FSCN2: variants seen among roughly 807,000 people sequenced by gnomAD.
FSCN2 encodes fascin actin-bundling protein 2, retinal.
Under a neutral mutation model 37.8 loss-of-function variants are expected in FSCN2, and 46 were observed. That is an observed-to-expected ratio of 1.22 (90% confidence interval 0.96 to 1.56). FSCN2 has a LOEUF of 1.56. Among genes scored for constraint, FSCN2 ranks in the 40% most tolerant of loss-of-function variants. FSCN2 has a pLI of 0.00. For synonymous variants in FSCN2, 351 were observed against 309.4 expected, an observed-to-expected ratio of 1.13 and a Z score of -1.41; for missense variants, 844 against 730.4, an observed-to-expected ratio of 1.16 and a Z score of -1.79.
Position 81,532,389 on chromosome 17 carries a change from A to ATGATGATGATAG in FSCN2, c.827-2658_827-2657insATGATAGTGATG, listed in dbSNP as rs1568079249. ...GGTGATGGTGATGATAGTGATGGCG[A>ATGATGATGATAG]TGATGGTGATGATAGTGATGGTGAT... On this transcript the variant is annotated intron_variant, in intron 1 of 4. Transcript: ENST00000417245. Among the ~76,000 whole-genome samples the ATGATGATGATAG allele has an allele frequency of 5.0e-3, 590 of 118,032 alleles. 11 individuals carry two copies. Among genetic ancestry groups the ATGATGATGATAG allele is most frequent in the African/African-American group, 0.023 (513 of 22,458 alleles). The allele number at this position is 118,032 out of a possible 152,430, so 77.4% of individuals were successfully genotyped here.
At chr17:81,531,228 A>ATGGTGATGG (rs1598572847) in intron 1 of FSCN2, among the ~76,000 whole-genome samples, 2 of 57,834 alleles carry the variant, frequency 3.5e-5, no homozygotes, top group Non-Finnish European at 7.1e-5. Flanking sequence ...GATGGTGATA[A>ATGGTGATGG]TGGTGATGGT....
At chr17:81,532,618 T>TGGG in intron 1 of FSCN2, among the ~76,000 whole-genome samples, 1 of 136,058 alleles carries the variant, frequency 7.3e-6, no homozygotes, top group African/African-American at 3.4e-5. Flanking sequence ...ATGGTGATGA[T>TGGG]AATGGTGATG....
chr17:81,535,467 A>ATCTCTG (rs2032827934), intron 2 of FSCN2, among the ~76,000 whole-genome samples: 3 of 17,144 alleles, frequency 1.7e-4, no homozygotes, highest in Non-Finnish European at 2.0e-4. Context: ...CTCCATCCCC[A>ATCTCTG]CCACCCCCAC....
At chr17:81,528,223 C>T (rs2032413290), upstream of FSCN2, among the ~76,000 whole-genome samples, 1 of 152,218 alleles carries the variant, frequency 6.6e-6, no homozygotes, top group Non-Finnish European at 1.5e-5. Context: ...GGCCCTCGGG[C>T]TCTGGGCTCT....
At chr17:81,522,314 A>G in the FSCN2 span, among the ~76,000 whole-genome samples, 1 of 152,308 alleles carries the variant, frequency 6.6e-6, no homozygotes, top group African/African-American at 2.4e-5. Flanking sequence ...TTAATTCCCA[A>G]GGCCTCTCTT....
rs1568077368 is a variant in FSCN2, at chr17:81,531,429, ATGGAGATGGTGGTGATGGTGG to A, written c.826+2076_826+2096del. Among the ~76,000 whole-genome samples, 3 of 42,280 alleles carry A rather than the reference ATGGAGATGGTGGTGATGGTGG, an allele frequency of 7.1e-5. No individual in the cohort carries two copies. In the East Asian group the frequency reaches 2.3e-3, roughly 33 times the overall value. 27.7% of individuals were successfully genotyped at this position (42,280 alleles called of 152,430 possible). A position where few individuals can be genotyped will look rare whatever the true frequency, so the allele number is the denominator to read the frequency against. ...GGTGATGGTGGTGGTGATAGTGATG[ATGGAGATGGTGGTGATGGTGG>A]TGGTGATGGTGATGATGGTGGTGGT... On this transcript the variant is annotated intron_variant, in intron 1 of 4. Coordinates refer to ENST00000417245, the MANE Select transcript of FSCN2 (RefSeq NM_012418.4).
In FSCN2 at chr17:81,536,685, A is replaced by G; in HGVS notation, c.1169A>G (p.Asp390Gly). 6.2e-7 allele frequency: 1 copy of G among 1,610,970 alleles called. No individual in the cohort carries two copies. The highest frequency in any genetic ancestry group is 1.1e-5 in the South Asian group (1 of 90,906). ...CCCATCCTGGTGCTGCGCGGCCTGG[A>G]CGGCTTCGTCTGCCACCACCGCGGC... ...NRPILVLRGL[D>G]GFVCHHRGSN... Residue 390 changes from aspartate to glycine, a missense_variant, in exon 4 of 5, where the codon GAC (aspartate) becomes GGC (glycine). Physicochemically the swap from Asp to Gly is moderately conservative, Grantham distance 94. Transcript: ENST00000417245.
At chr17:81,516,391 A>G in the FSCN2 span, among the ~76,000 whole-genome samples, 2 of 152,238 alleles carry the variant, frequency 1.3e-5, no homozygotes, top group Non-Finnish European at 2.9e-5. Flanking sequence ...CTCCCATAAT[A>G]AAAAGCTAAC....
Position 81,529,245 on chromosome 17 carries a change from C to T in FSCN2, c.714C>T (p.Leu238=), listed in dbSNP as rs2032467845. ...YLAPVGPAGT[L]KAGRNTRPGK... Reference sequence around the variant, plus strand: ...CACCCGTGGGGCCCGCAGGCACCCTCAAGGCCGGCCGAAACACGCGACCTG... The same window carrying T: ...CACCCGTGGGGCCCGCAGGCACCCTTAAGGCCGGCCGAAACACGCGACCTG... Residue 238 remains leucine, a synonymous_variant, in exon 1 of 5, where the codon CTC becomes CTT. Transcript: ENST00000417245. The T allele has an allele frequency of 6.3e-7, 1 of 1,597,182 alleles. No individual in the cohort carries two copies.
intron 4 of FSCN2, 28 bp from the exon 5 acceptor site, chr17:81,536,847 C>A (rs1430210801): frequency 1.3e-6 from 2 of 1,550,402 alleles, no homozygotes; most frequent in Non-Finnish European, 1.7e-6. Context: ...CAGGTGGGCA[C>A]CCCCGCCGAC....
upstream of FSCN2, chr17:81,528,322 C>T (rs1361423545): frequency 1.6e-4 from 96 of 583,030 alleles, 1 homozygote; most frequent in East Asian, 2.0e-3. Flanking sequence ...CCTCCCCGCC[C>T]GCCCTCTGCT....
upstream of FSCN2, among the ~76,000 whole-genome samples, chr17:81,526,193 G>A (rs906698303): frequency 2.0e-5 from 3 of 152,246 alleles, no homozygotes; most frequent in Non-Finnish European, 4.4e-5. Context: ...AGAGGGGCAG[G>A]CCGCCTGGGC....
chr17:81,532,176 GTGA>G (rs2032681852), intron 1 of FSCN2, among the ~76,000 whole-genome samples: 3 of 119,406 alleles, frequency 2.5e-5, no homozygotes, highest in Admixed American at 8.1e-5. Context: ...GATGGTGGTG[GTGA>G]TGGTGGTGGT....
intron 1 of FSCN2, among the ~76,000 whole-genome samples, chr17:81,533,139 G>A (rs1598577817): frequency 6.6e-6 from 1 of 152,170 alleles, no homozygotes; most frequent in East Asian, 1.9e-4. Context: ...GTGGCTACAT[G>A]GCAGGCCCTT....
In FSCN2 at chr17:81,529,076, G is replaced by A. The variant is rs551872396; in HGVS notation, c.545G>A (p.Arg182Gln). 2.1e-5 allele frequency: 34 copies of A among 1,590,554 alleles called. No individual in the cohort carries two copies. Among genetic ancestry groups the A allele is most frequent in the East Asian group, 2.1e-4 (9 of 43,698 alleles). The change falls in exon 1 of 5, where the codon CGA (arginine) becomes CAA (glutamine). Residue 182 changes from arginine to glutamine, a missense_variant. Arg to Gln is a conservative substitution (Grantham distance 43). Coordinates refer to ENST00000417245, the MANE Select transcript of FSCN2 (RefSeq NM_012418.4). ...DALLTLIFRS[R>Q]RYCLKSCDSR... Reference sequence around the variant, plus strand: ...CTCCTCACCCTCATCTTCCGGAGCCGACGGTACTGCCTCAAGTCCTGTGAC... The same window carrying A: ...CTCCTCACCCTCATCTTCCGGAGCCAACGGTACTGCCTCAAGTCCTGTGAC...
rs377396049 is a variant in FSCN2, at chr17:81,532,521, GTGA to G, written c.827-2520_827-2518del. On this transcript the variant is annotated intron_variant, in intron 1 of 4. Transcript: ENST00000417245. ...GATGGTGATGATAATGGTGACGATG[GTGA>G]TGATGATGATAGTGATGGTGGTGAT... 1.6e-4 allele frequency among the ~76,000 whole-genome samples: 21 copies of G among 132,480 alleles called. 1 individual carries two copies. The East Asian group carries it at 2.8e-3, about 17-fold the overall frequency. The allele number at this position is 132,480 out of a possible 152,430, so 86.9% of individuals were successfully genotyped here.
At chr17:81,527,686 G>C (rs964344147), upstream of FSCN2, 1 of 152,350 alleles carries the variant, frequency 6.6e-6, no homozygotes, top group African/African-American at 2.4e-5. Context: ...AGCAGAGGAG[G>C]GGGCAGCCTC....
At chr17:81,532,371 GTGA>G (rs555449934) in intron 1 of FSCN2, among the ~76,000 whole-genome samples, 138 of 125,740 alleles carry the variant, frequency 1.1e-3, no homozygotes, top group Non-Finnish European at 1.6e-3. Context: ...GATGGTGATG[GTGA>G]TGATAGTGAT....
At chr17:81,532,674 GTGA>G (rs1476405178) in intron 1 of FSCN2, among the ~76,000 whole-genome samples, 2 of 145,880 alleles carry the variant, frequency 1.4e-5, no homozygotes, top group African/African-American at 5.1e-5. Flanking sequence ...GGAGGCAATG[GTGA>G]TGATAGTGAT....
Sources: gnomAD v4.1 joint callset for allele counts (sites outside exome capture counted in the v4.1 genomes callset) on GRCh38, gnomAD v4.1.1 for gene constraint, MANE v1.5 for transcripts, NCBI Gene and HGNC (gene_info 2026-07-23, HGNC 2026-07-21) for gene names.